TRIQK: variants seen among roughly 807,000 people sequenced by gnomAD.
The protein encoded by TRIQK is triple QxxK/R motif containing, also known as triple QxxK/R motif-containing protein.
Under a neutral mutation model 10.8 loss-of-function variants are expected in TRIQK, and 10 were observed. The ratio of observed to expected loss-of-function variants is 0.92; its 90% CI spans 0.57 to 1.57. TRIQK has a LOEUF of 1.57. Among genes scored for constraint, TRIQK ranks in the 40% most tolerant of loss-of-function variants. The pLI, the probability that TRIQK is intolerant of heterozygous loss-of-function variation, is 0.00. For missense variants in TRIQK, 107 were observed against 97.7 expected, an observed-to-expected ratio of 1.09 and a Z score of -0.40; for synonymous variants, 33 against 33.7, an observed-to-expected ratio of 0.98 and a Z score of 0.07.
intron 1 of TRIQK, chr8:92,973,028 C>T (rs1229527884): frequency 1.3e-5 from 2 of 152,152 alleles, no homozygotes; most frequent in Non-Finnish European, 2.9e-5. Flanking sequence ...CATGGTGCCT[C>T]GTGAGCACAG....
intron 2 of TRIQK, among the ~76,000 whole-genome samples, chr8:92,920,710 G>T (rs879881221): frequency 1.6e-4 from 25 of 151,860 alleles, no homozygotes; most frequent in Admixed American, 1.6e-3. Context: ...GAAAGAAATT[G>T]CACTGTGTTT....
At chr8:92,920,606 C>A (rs1225567480) in intron 2 of TRIQK, among the ~76,000 whole-genome samples, 1 of 151,298 alleles carries the variant, frequency 6.6e-6, no homozygotes, top group Non-Finnish European at 1.5e-5. Flanking sequence ...CCTATTATTT[C>A]AGATTACTTC....
intron 1 of TRIQK, among the ~76,000 whole-genome samples, chr8:92,964,464 CTATATA>C (rs71563502): frequency 7.0e-6 from 1 of 142,332 alleles, no homozygotes; most frequent in Non-Finnish European, 1.5e-5. Context: ...ATATATATAT[CTATATA>C]TATATATATA....
intron 1 of TRIQK, among the ~76,000 whole-genome samples, chr8:92,959,480 TACACAC>T (rs34816958): frequency 0.018 from 2,640 of 143,530 alleles, 33 homozygotes; most frequent in African/African-American, 0.039. Context: ...TATATATGCA[TACACAC>T]ACACACACAC....
intron 1 of TRIQK, among the ~76,000 whole-genome samples, chr8:92,971,330 C>A (rs1311605110): frequency 1.3e-5 from 2 of 152,014 alleles, no homozygotes; most frequent in East Asian, 1.9e-4. Flanking sequence ...AAAGGGTATT[C>A]AAATAGGAAG....
At chr8:92,977,466 T>C (rs1363327857) in intron 1 of TRIQK, among the ~76,000 whole-genome samples, 1 of 152,212 alleles carries the variant, frequency 6.6e-6, no homozygotes, top group South Asian at 2.1e-4. Flanking sequence ...AGTACATTTT[T>C]AATCAGACAT....
chr8:92,892,025 T>C lies in TRIQK; in HGVS notation c.111A>G (p.Leu37=). The change falls in exon 4 of 5, where the codon TTA becomes TTG. Residue 37 remains leucine, a synonymous_variant. Transcript: ENST00000521988. ...TTGCTGTTTTCTTTGCTTCTGCTTT[T>C]AATTTGGTTGCTCGTAAAATAGGTT... ...KTKPILRATK[L]KAEAKKTAIG... is the part of the protein sequence containing the mutation. 1 of 1,533,856 alleles carries C rather than the reference T, an allele frequency of 6.5e-7. No individual in the cohort carries two copies. Among genetic ancestry groups the C allele is most frequent in the African/African-American group, 1.4e-5 (1 of 73,004 alleles).
chr8:92,967,876 A>G (rs908215086), upstream of TRIQK, among the ~76,000 whole-genome samples: 1 of 150,914 alleles, frequency 6.6e-6, no homozygotes, highest in Admixed American at 6.6e-5. Flanking sequence ...AGTTATGATT[A>G]TATATTAATA....
rs1816476842 is a variant in TRIQK at position 92,886,375 on chromosome 8, GT to G, written c.*246del. Reference sequence around the variant, plus strand: ...GATCTGGTTCCCATTTCATCTAAATGTACCATGTATAGGGTGGCTGTCAAAG... The same window carrying G: ...GATCTGGTTCCCATTTCATCTAAATGACCATGTATAGGGTGGCTGTCAAAG... On this transcript the variant is annotated 3_prime_UTR_variant, in exon 5 of 5. Transcript: ENST00000521988. 1 of 241,592 alleles carries G rather than the reference GT, an allele frequency of 4.1e-6. No individual in the cohort carries two copies. Among genetic ancestry groups the G allele is most frequent in the East Asian group, 8.0e-5 (1 of 12,468 alleles). The allele number at this position is 241,592 out of a possible 1,614,324, so 15.0% of individuals were successfully genotyped here. A position where few individuals can be genotyped will look rare whatever the true frequency, so the allele number is the denominator to read the frequency against.
intron 1 of TRIQK, among the ~76,000 whole-genome samples, chr8:92,995,503 G>C (rs1278164973): frequency 6.6e-6 from 1 of 151,490 alleles, no homozygotes; most frequent in Non-Finnish European, 1.5e-5. Context: ...ACTTATGCTA[G>C]GTCTTCTGGG....
intron 3 of TRIQK, among the ~76,000 whole-genome samples, chr8:92,908,546 C>T (rs891751032): frequency 1.3e-5 from 2 of 152,074 alleles, no homozygotes; most frequent in African/African-American, 2.4e-5. Flanking sequence ...TTATTTGTGT[C>T]TAGAAATCTT....
At chr8:92,916,636 CA>C (rs1344846717) in intron 3 of TRIQK, among the ~76,000 whole-genome samples, 3 of 151,764 alleles carry the variant, frequency 2.0e-5, no homozygotes, top group African/African-American at 7.3e-5. Context: ...ATTATAAAAT[CA>C]AAAATGCTGA....
intron 2 of TRIQK, among the ~76,000 whole-genome samples, chr8:92,917,278 T>C (rs1047074658): frequency 6.6e-6 from 1 of 152,160 alleles, no homozygotes; most frequent in East Asian, 1.9e-4. Context: ...TATTGTTAAA[T>C]AACATTATCT....
intron 2 of TRIQK, among the ~76,000 whole-genome samples, chr8:92,945,344 T>C (rs766953816): frequency 1.3e-5 from 2 of 152,176 alleles, no homozygotes; most frequent in Admixed American, 6.5e-5. Flanking sequence ...CAGTTCCTCC[T>C]GCCACCTCCA....
intron 1 of TRIQK, chr8:92,963,902 A>C (rs1259670665): frequency 6.6e-6 from 1 of 152,334 alleles, no homozygotes; most frequent in African/African-American, 2.4e-5. Flanking sequence ...TCAAAAAAAA[A>C]AAAAAAATAC....
intron 1 of TRIQK, among the ~76,000 whole-genome samples, chr8:92,990,484 T>TG (rs1813085145): frequency 6.6e-6 from 1 of 151,958 alleles, no homozygotes; most frequent in Non-Finnish European, 1.5e-5. Context: ...TAGGAAGAGC[T>TG]CCGGTCTGCA....
chr8:93,012,199 G>A (rs1025796848), intron 1 of TRIQK, among the ~76,000 whole-genome samples: 1 of 152,154 alleles, frequency 6.6e-6, no homozygotes, highest in Non-Finnish European at 1.5e-5. Flanking sequence ...TAAGTCTTCA[G>A]GCAGAAACTT....
At chr8:92,911,546 A>C (rs1444078410) in intron 3 of TRIQK, among the ~76,000 whole-genome samples, 1 of 151,440 alleles carries the variant, frequency 6.6e-6, no homozygotes, top group Non-Finnish European at 1.5e-5. Context: ...CTTTAGATTT[A>C]ATGACACACA....
At chr8:92,897,735 C>G (rs553657203) in intron 3 of TRIQK, among the ~76,000 whole-genome samples, 3 of 152,096 alleles carry the variant, frequency 2.0e-5, no homozygotes, top group African/African-American at 7.2e-5. Context: ...TCCTTAAATG[C>G]TTTGAACCAC....
Sources: gnomAD v4.1 joint callset for allele counts (sites outside exome capture counted in the v4.1 genomes callset) on GRCh38, gnomAD v4.1.1 for gene constraint, MANE v1.5 for transcripts, NCBI Gene and HGNC (gene_info 2026-07-23, HGNC 2026-07-21) for gene names.